The following ACAP3 variants were observed in gnomAD, a reference collection of about 807,000 sequenced individuals.
ACAP3 encodes the protein arf-GAP with coiled-coil, ANK repeat and PH domain-containing protein 3.
ACAP3 carries 56 observed loss-of-function variants against 104.1 expected under a neutral mutation model. The ratio of observed to expected loss-of-function variants is 0.54; its 90% CI spans 0.43 to 0.67. The LOEUF (loss-of-function observed/expected upper bound fraction) is 0.67. Among genes scored for constraint, ACAP3 ranks in the 30% least tolerant of loss-of-function variants. The probability of loss-of-function intolerance (pLI) is 0.00; values close to 1 mark genes in which losing one functional copy is unlikely to be tolerated. For synonymous variants in ACAP3, 628 were observed against 496.2 expected (o/e 1.27, Z -3.53); for missense variants, 1,208 against 1,174.9 (o/e 1.03, Z -0.41).
Position 1,300,660 on chromosome 1 carries a change from T to C in ACAP3, c.371A>G (p.Gln124Arg). The change falls in exon 6 of 24, where the codon CAG becomes CGG. Residue 124 changes from glutamine (Q) to arginine (R), a missense_variant. Gln to Arg is a conservative substitution (Grantham distance 43, BLOSUM62 1). Coordinates refer to ENST00000354700, the MANE Select transcript of ACAP3 (RefSeq NM_030649.3). Reference sequence around the variant, plus strand: ...CAGGTCCTCCCGCACCTTGTCAAACTGCTTCTTTGTCTCCTTGAACTTCCG... The same window carrying C: ...CAGGTCCTCCCGCACCTTGTCAAACCGCTTCTTTGTCTCCTTGAACTTCCG... Reference protein sequence around the residue: ...DVRKFKETKKQFDKVREDLEL... With the variant: ...DVRKFKETKKRFDKVREDLEL... 1.9e-6 allele frequency: 3 copies of C among 1,609,146 alleles called. No individual in the cohort carries two copies. Among genetic ancestry groups the C allele is most frequent in the South Asian group, 1.1e-5 (1 of 90,398 alleles).
rs767895561 is a variant in ACAP3, at chr1:1,294,194, G to C, written c.2145C>G (p.Ser715=). ...GCAGCAGGAACTCACAGACGATCAAGGAGCCCTGGGGAGCCGGGGCAACTC... is the reference window on the plus strand; with the variant it reads ...GCAGCAGGAACTCACAGACGATCAACGAGCCCTGGGGAGCCGGGGCAACTC... ...TPLVQAVLGG[S]LIVCEFLLQN... is the part of the protein sequence containing the mutation. Residue 715 remains serine (S), a synonymous_variant, in exon 22 of 24, where the codon TCC becomes TCG. Coordinates refer to ENST00000354700, the MANE Select transcript of ACAP3 (RefSeq NM_030649.3). 6.3e-7 allele frequency: 1 copy of C among 1,581,642 alleles called. No homozygotes were observed. Among genetic ancestry groups the C allele is most frequent in the South Asian group, 1.1e-5 (1 of 87,322 alleles).
At position 1,303,955 on chromosome 1, in the gene ACAP3, G is replaced by T; in HGVS notation, c.105+131C>A. ...ACACATGCTAAGACACAGGGACCAG[G>T]ACCTGGAGCACCACACGCATGCTCC... On this transcript the variant is annotated intron_variant, in intron 2 of 23. Transcript: ENST00000354700. The surrounding 1 kb of genome is among the most constrained non-coding windows in gnomAD (Gnocchi z 4.0). The T allele has an allele frequency of 9.2e-7, 1 of 1,087,388 alleles. No individual in the cohort carries two copies. Among genetic ancestry groups the T allele is most frequent in the Non-Finnish European group, 1.3e-6 (1 of 751,792 alleles). 67.4% of individuals were successfully genotyped at this position (1,087,388 alleles called of 1,614,324 possible).
chr1:1,296,740 C>A lies in ACAP3; in HGVS notation c.1129-107G>T. The A allele has an allele frequency of 1.2e-5, 14 of 1,213,432 alleles. No individual in the cohort carries two copies. The South Asian group carries it at 1.8e-4, about 16-fold the overall frequency. The allele number at this position is 1,213,432 out of a possible 1,614,324, so 75.2% of individuals were successfully genotyped here. On this transcript the variant is annotated intron_variant, in intron 14 of 23. Coordinates refer to ENST00000354700, the MANE Select transcript of ACAP3 (RefSeq NM_030649.3). ...AGAGCCAATGCAGGCCAGGGCCCCT[C>A]GAGCACACGCCCGCACACGCACGTA...
At chr1:1,294,276 G>C (rs1263118020) in intron 21 of ACAP3, 77 bp from the exon 22 acceptor site, 3 of 1,516,700 alleles carry the variant, frequency 2.0e-6, no homozygotes, top group African/African-American at 1.4e-5. Context: ...CCCCGGCCTT[G>C]GGCGCCCCCA....
Position 1,303,340 on chromosome 1 carries a change from C to T in ACAP3, c.106-59G>A, listed in dbSNP as rs1641534798. 3.3e-6 allele frequency: 5 copies of T among 1,537,894 alleles called. No individual in the cohort carries two copies. Among genetic ancestry groups the T allele is most frequent in the Middle Eastern group, 2.2e-4 (1 of 4,518 alleles). ...GCACTGGCGCCTGCACTCGCCACCACACACGGCCACTCAGAGGCAGGAAGA... is the reference window on the plus strand; with the variant it reads ...GCACTGGCGCCTGCACTCGCCACCATACACGGCCACTCAGAGGCAGGAAGA... On this transcript the variant is annotated intron_variant, in intron 2 of 23. Coordinates refer to ENST00000354700, the MANE Select transcript of ACAP3 (RefSeq NM_030649.3). The surrounding 1 kb of genome is among the most constrained non-coding windows in gnomAD (Gnocchi z 4.0).
chr1:1,296,594 C>T lies in ACAP3; in HGVS notation c.1168G>A (p.Asp390Asn), dbSNP rs757297460. 26 of 1,539,002 alleles carry T rather than the reference C, an allele frequency of 1.7e-5. No individual in the cohort carries two copies. The highest frequency in any genetic ancestry group is 2.1e-5 in the Non-Finnish European group (24 of 1,146,588). Reference sequence around the variant, plus strand: ...CGCTCCCGAGTGTCGGTGGCGGAGTCGATGCTGCTCGTGGACGGGGATGCT... The same window carrying T: ...CGCTCCCGAGTGTCGGTGGCGGAGTTGATGCTGCTCGTGGACGGGGATGCT... ...RTASPSTSSI[D>N]SATDTRERGV... The change falls in exon 15 of 24, where the codon GAC becomes AAC. Residue 390 changes from aspartate to asparagine, a missense_variant. Transcript: ENST00000354700.
At chr1:1,298,723 C>A (rs773475548) in intron 10 of ACAP3, 44 bp from the exon 11 acceptor site, 21 of 1,451,354 alleles carry the variant, frequency 1.4e-5, no homozygotes, top group Non-Finnish European at 2.0e-5. Context: ...CCCCAGGGGC[C>A]CTGCTACCCT....
chr1:1,299,828 C>A lies in ACAP3; in HGVS notation c.738+3G>T, dbSNP rs778842637. 6.5e-7 allele frequency: 1 copy of A among 1,545,230 alleles called. No individual in the cohort carries two copies. Among genetic ancestry groups the A allele is most frequent in the South Asian group, 1.2e-5 (1 of 84,054 alleles). ...GTGCAGGGAGCCGGCTGCGCGGCCT[C>A]ACCCGCTGCTGGATGGCGGCGTGCT... On this transcript the variant is annotated splice_donor_region_variant and intron_variant, in intron 9 of 23. Transcript: ENST00000354700.
At position 1,302,835 on chromosome 1, in the gene ACAP3, C is replaced by A. The variant is rs372924145; in HGVS notation, c.279+87G>T. The A allele has an allele frequency of 2.0e-4, 173 of 885,328 alleles. No homozygotes were observed. In the African/African-American group the frequency reaches 2.4e-3, roughly 12 times the overall value. 54.8% of individuals were successfully genotyped at this position (885,328 alleles called of 1,614,324 possible). A position where few individuals can be genotyped will look rare whatever the true frequency, so the allele number is the denominator to read the frequency against. ...CTAGAGGAGCAGAAACGTGCCCCCCCCAACCCGACGCCGGCCTTCAGGTGA... is the reference window on the plus strand; with the variant it reads ...CTAGAGGAGCAGAAACGTGCCCCCCACAACCCGACGCCGGCCTTCAGGTGA... On this transcript the variant is annotated intron_variant, in intron 4 of 23. Transcript: ENST00000354700.
At position 1,303,989 on chromosome 1, in the gene ACAP3, G is replaced by C. The variant is rs776548820; in HGVS notation, c.105+97C>G. ...CACCACACGCATGCTCCACATATGGGGGGTGTAAGTGGCTTAGTAAGGCCT... is the reference window on the plus strand; with the variant it reads ...CACCACACGCATGCTCCACATATGGCGGGTGTAAGTGGCTTAGTAAGGCCT... On this transcript the variant is annotated intron_variant, in intron 2 of 23. Transcript: ENST00000354700. This position sits in a 1 kb window ranked among gnomAD's most constrained non-coding sequence, Gnocchi z 4.0. The C allele has an allele frequency of 1.4e-6, 2 of 1,410,058 alleles. No homozygotes were observed. Among genetic ancestry groups the C allele is most frequent in the African/African-American group, 2.8e-5 (2 of 70,544 alleles). 87.3% of individuals were successfully genotyped at this position (1,410,058 alleles called of 1,614,324 possible). A position where few individuals can be genotyped will look rare whatever the true frequency, so the allele number is the denominator to read the frequency against.
chr1:1,299,753 G>A (rs972657781), intron 9 of ACAP3, 78 bp downstream of exon 9: 10 of 1,433,566 alleles, frequency 7.0e-6, no homozygotes, highest in East Asian at 2.5e-5. Flanking sequence ...GGGGCGGGGA[G>A]GGTGTGCCGG....
At chr1:1,299,590 G>T in intron 9 of ACAP3, 1 of 709,256 alleles carries the variant, frequency 1.4e-6, no homozygotes, top group Non-Finnish European at 2.3e-6. Flanking sequence ...CAAGGAGCCA[G>T]TGACTGAGGC....
intron 1 of ACAP3, among the ~76,000 whole-genome samples, 166 bp downstream of exon 1, chr1:1,307,603 G>A (rs2887285): frequency 0.68 from 103,294 of 152,024 alleles, 41,513 homozygotes; most frequent in Non-Finnish European, 0.92. Context: ...TCCAACCCCC[G>A]GGGCATGGCG....
At position 1,307,902 on chromosome 1, in the gene ACAP3, G is replaced by GCCGCCTCGGCGCCCGCCCGCC. The variant is rs1641816656; in HGVS notation, c.-108_-88dup. ...GGCCCGGACCGCTCGTCCCGCCCGC[G>GCCGCCTCGGCGCCCGCCCGCC]CCGCCTCGGCGCCCGCCCGCCCCGG... On this transcript the variant is annotated 5_prime_UTR_variant, in exon 1 of 24. Coordinates refer to ENST00000354700, the MANE Select transcript of ACAP3 (RefSeq NM_030649.3). 1 of 775,230 alleles carries GCCGCCTCGGCGCCCGCCCGCC rather than the reference G, an allele frequency of 1.3e-6. No homozygotes were observed. Among genetic ancestry groups the GCCGCCTCGGCGCCCGCCCGCC allele is most frequent in the Non-Finnish European group, 1.6e-6 (1 of 640,522 alleles). The allele number at this position is 775,230 out of a possible 1,614,324, so 48.0% of individuals were successfully genotyped here. A position where few individuals can be genotyped will look rare whatever the true frequency, so the allele number is the denominator to read the frequency against.
chr1:1,298,409 G>C lies in ACAP3; in HGVS notation c.876C>G (p.Ser292=). ...GGTAGACCAGCTGGCTGTTCTGAAT[G>C]GAGAACCAGCGCCTAGGTGGGTGGG... ...AFKTWNRRWF[S]IQNSQLVYQK... is the part of the protein sequence containing the mutation. Residue 292 remains serine, a synonymous_variant, in exon 12 of 24, where the codon TCC becomes TCG. Coordinates refer to ENST00000354700, the MANE Select transcript of ACAP3 (RefSeq NM_030649.3). The C allele has an allele frequency of 6.2e-7, 1 of 1,602,378 alleles. No individual in the cohort carries two copies. Among genetic ancestry groups the C allele is most frequent in the Admixed American group, 1.7e-5 (1 of 58,832 alleles).
At position 1,293,929 on chromosome 1, in the gene ACAP3, C is replaced by G; in HGVS notation, c.2254G>C (p.Val752Leu). ...HATLLGRTGQVCLFLKRGADQ... is the reference protein window; with the variant it reads ...HATLLGRTGQLCLFLKRGADQ... ...GCGCCCCGCTTCAGGAACAGGCAAA[C>G]CTGGCTGAGGGGCGAGGTCGGAGGG... is the stretch of plus-strand genomic sequence containing the variant. The change falls in exon 23 of 24, where the codon GTT (valine) becomes CTT (leucine). Residue 752 changes from valine to leucine, a missense_variant. Coordinates refer to ENST00000354700, the MANE Select transcript of ACAP3 (RefSeq NM_030649.3). 1 of 1,574,708 alleles carries G rather than the reference C, an allele frequency of 6.4e-7. No individual in the cohort carries two copies. The highest frequency in any genetic ancestry group is 8.6e-7 in the Non-Finnish European group (1 of 1,163,332).
chr1:1,298,427 T>G lies in ACAP3; in HGVS notation c.864-6A>C. On this transcript the variant is annotated splice_region_variant and splice_polypyrimidine_tract_variant and intron_variant, in intron 11 of 23. Transcript: ENST00000354700. Reference sequence around the variant, plus strand: ...TCTGAATGGAGAACCAGCGCCTAGGTGGGTGGGGGGATGTGGGGAGTCAGG... The same window carrying G: ...TCTGAATGGAGAACCAGCGCCTAGGGGGGTGGGGGGATGTGGGGAGTCAGG... 6.3e-7 allele frequency: 1 copy of G among 1,599,598 alleles called. No individual in the cohort carries two copies. Among genetic ancestry groups the G allele is most frequent in the Middle Eastern group, 1.7e-4 (1 of 5,994 alleles).
At chr1:1,305,577 G>A (rs922646232) in intron 1 of ACAP3, 6 of 152,262 alleles carry the variant, frequency 3.9e-5, no homozygotes, top group African/African-American at 1.4e-4. Context: ...TGGGGACAGG[G>A]TGGGCCCTGG....
At chr1:1,304,229 T>A in intron 1 of ACAP3, 86 bp from the exon 2 acceptor site, 1 of 1,475,142 alleles carries the variant, frequency 6.8e-7, no homozygotes, top group Non-Finnish European at 9.2e-7. Flanking sequence ...CCTGAGGGGC[T>A]CCACCATGGG....
Sources: gnomAD v4.1 joint callset for allele counts (sites outside exome capture counted in the v4.1 genomes callset) on GRCh38, gnomAD v4.1.1 for gene constraint, Gnocchi (gnomAD v3.1) non-coding constraint, MANE v1.5 for transcripts, NCBI Gene and HGNC (gene_info 2026-07-23, HGNC 2026-07-21) for gene names.